Variants in C19orf47 observed in about 807,000 individuals in gnomAD.
C19orf47 encodes the protein uncharacterized protein C19orf47.
A neutral mutation model predicts 32.3 loss-of-function variants in C19orf47; 18 were observed. The observed-to-expected ratio is 0.56, with a 90% CI of 0.39 to 0.83. C19orf47 has a LOEUF of 0.83. Among genes scored for constraint, C19orf47 ranks in the 40% least tolerant of loss-of-function variants. The pLI is 0.00. For missense variants in C19orf47, 484 were observed against 531.6 expected (o/e 0.91, Z 0.88); for synonymous variants, 202 against 211.1 (o/e 0.96, Z 0.37).
At chr19:40,317,682 T>C (rs576755468), downstream of C19orf47, among the ~76,000 whole-genome samples, 9 of 151,254 alleles carry the variant, frequency 6.0e-5, no homozygotes, top group East Asian at 1.7e-3. Context: ...TGCGGACATC[T>C]ACACATGGAC....
At chr19:40,310,264 C>T in the C19orf47 span, among the ~76,000 whole-genome samples, 1 of 151,990 alleles carries the variant, frequency 6.6e-6, no homozygotes, top group Non-Finnish European at 1.5e-5. Flanking sequence ...AGGCCAGCCA[C>T]GGTGGCTCAC....
Position 40,333,738 on chromosome 19 carries a change from G to A in C19orf47, c.301+113C>T, listed in dbSNP as rs111533484. 7,581 of 796,702 alleles carry A rather than the reference G, an allele frequency of 9.5e-3. 55 individuals are homozygous for A. The highest frequency in any genetic ancestry group is 0.048 in the Middle Eastern group (137 of 2,838). The allele number at this position is 796,702 out of a possible 1,614,324, so 49.4% of individuals were successfully genotyped here. A position where few individuals can be genotyped will look rare whatever the true frequency, so the allele number is the denominator to read the frequency against. ...AAAGAAGAGTAAGAATTCCTCCAAT[G>A]GCTTTGTTTCTACCTTTGAAAATTA... On this transcript the variant is annotated intron_variant, in intron 5 of 8. Coordinates refer to ENST00000683109, the MANE Select transcript of C19orf47 (RefSeq NM_001256441.2).
At chr19:40,328,054 T>C (rs2077869587) in intron 6 of C19orf47, among the ~76,000 whole-genome samples, 1 of 152,112 alleles carries the variant, frequency 6.6e-6, no homozygotes, top group Admixed American at 6.5e-5. Flanking sequence ...TCTTAACCTA[T>C]GACCCCAGGC....
At chr19:40,308,660 C>A in the C19orf47 span, among the ~76,000 whole-genome samples, 1 of 150,892 alleles carries the variant, frequency 6.6e-6, no homozygotes, top group Non-Finnish European at 1.5e-5. Context: ...GACAAGTTTT[C>A]GCCATGTTGG....
chr19:40,311,554 T>TA, the C19orf47 span, among the ~76,000 whole-genome samples: 1 of 151,476 alleles, frequency 6.6e-6, no homozygotes, highest in Non-Finnish European at 1.5e-5. Flanking sequence ...AAAATAATAA[T>TA]AATAAATAAA....
the C19orf47 span, among the ~76,000 whole-genome samples, chr19:40,295,769 CAG>C: frequency 1.3e-4 from 19 of 151,770 alleles, no homozygotes; most frequent in Non-Finnish European, 1.3e-4. Flanking sequence ...TTTATTGAGA[CAG>C]GGTCTCGCTC....
chr19:40,344,615 C>T (rs1007393580), intron 1 of C19orf47, among the ~76,000 whole-genome samples: 6 of 152,222 alleles, frequency 3.9e-5, no homozygotes, highest in Non-Finnish European at 7.3e-5. Flanking sequence ...AAGCATCATG[C>T]AGATGCATCC....
At chr19:40,341,285 G>C in intron 2 of C19orf47, among the ~76,000 whole-genome samples, 1 of 151,984 alleles carries the variant, frequency 6.6e-6, no homozygotes, top group Non-Finnish European at 1.5e-5. Context: ...AGTGAGCCGA[G>C]ATCGTGCCAT....
chr19:40,300,443 C>G, the C19orf47 span, among the ~76,000 whole-genome samples: 1 of 151,460 alleles, frequency 6.6e-6, no homozygotes, highest in Non-Finnish European at 1.5e-5. Context: ...CCAGCCTGGG[C>G]GACACAGCTA....
chr19:40,325,439 G>A (rs1274343334), intron 7 of C19orf47, among the ~76,000 whole-genome samples: 1 of 151,748 alleles, frequency 6.6e-6, no homozygotes, highest in Admixed American at 6.6e-5. Context: ...ACCAGCCTGG[G>A]CAACATGGCA....
chr19:40,330,925 G>A (rs1600187442), intron 5 of C19orf47, among the ~76,000 whole-genome samples: 1 of 152,142 alleles, frequency 6.6e-6, no homozygotes, highest in East Asian at 1.9e-4. Context: ...GGCTGGGAGG[G>A]GGCACAGGGG....
the C19orf47 span, among the ~76,000 whole-genome samples, chr19:40,305,583 T>G: frequency 7.9e-5 from 12 of 152,152 alleles, no homozygotes; most frequent in Admixed American, 7.2e-4. Flanking sequence ...CTAGAGCAAT[T>G]TGCGGGACCA....
At chr19:40,330,205 T>C (rs761898106) in intron 5 of C19orf47, among the ~76,000 whole-genome samples, 1 of 152,152 alleles carries the variant, frequency 6.6e-6, no homozygotes, top group Non-Finnish European at 1.5e-5. Flanking sequence ...TTTATTTATT[T>C]ATTTTCATTT....
At position 40,340,401 on chromosome 19, in the gene C19orf47, A is replaced by T. The variant is rs1260120870; in HGVS notation, c.19+1438T>A. On this transcript the variant is annotated intron_variant, in intron 2 of 8. Coordinates refer to ENST00000683109, the MANE Select transcript of C19orf47 (RefSeq NM_001256441.2). ...AAATGGAATTATAAAGAATACAGGC[A>T]GCCAGGCGCGGTGGCTCACGTCTGT... Among the ~76,000 whole-genome samples, 3 of 152,054 alleles carry T rather than the reference A, an allele frequency of 2.0e-5. No individual in the cohort carries two copies. The East Asian group carries it at 5.8e-4, about 29-fold the overall frequency.
intron 1 of C19orf47, among the ~76,000 whole-genome samples, chr19:40,347,680 G>C (rs143509670): frequency 6.6e-6 from 1 of 152,274 alleles, no homozygotes; most frequent in East Asian, 1.9e-4. Context: ...TAAGTGACAG[G>C]ATGTCGATTT....
Position 40,322,052 on chromosome 19 carries a change from C to A in C19orf47, c.988G>T (p.Asp330Tyr). 6.2e-7 allele frequency: 1 copy of A among 1,614,220 alleles called. No individual in the cohort carries two copies. Reference sequence around the variant, plus strand: ...CTCTTGGTGCTGGTGACCTGGCTGTCCTGGGCCTCGGGCACAAGGGCAGCT... The same window carrying A: ...CTCTTGGTGCTGGTGACCTGGCTGTACTGGGCCTCGGGCACAAGGGCAGCT... ...GAAALVPEAQ[D>Y]SQVTSTKSKS... Residue 330 changes from aspartate (D) to tyrosine (Y), a missense_variant, in exon 9 of 9, where the codon GAC becomes TAC. By Grantham distance (160) the Asp-to-Tyr change is radical. Coordinates refer to ENST00000683109, the MANE Select transcript of C19orf47 (RefSeq NM_001256441.2).
the C19orf47 span, among the ~76,000 whole-genome samples, chr19:40,303,809 A>G: frequency 6.7e-6 from 1 of 148,184 alleles, no homozygotes; most frequent in East Asian, 1.9e-4. Context: ...GTCTGAAAAA[A>G]AAAAAAAAAA....
downstream of C19orf47, among the ~76,000 whole-genome samples, chr19:40,318,209 C>A (rs2077676163): frequency 1.3e-5 from 2 of 151,972 alleles, no homozygotes; most frequent in South Asian, 2.1e-4. Flanking sequence ...CATAGTGAGA[C>A]CTCGTCTCCA....
In C19orf47 at chr19:40,320,661, G is replaced by A. The variant is rs1041556268; in HGVS notation, c.*1221C>T. The stretch of plus-strand genomic sequence containing the variant: ...ACCGCTTTACCTACACCCCATCCCT[G>A]GAGAGGCCCTGCTCACTACCTGCTA... On this transcript the variant is annotated 3_prime_UTR_variant, in exon 9 of 9. Coordinates refer to ENST00000683109, the MANE Select transcript of C19orf47 (RefSeq NM_001256441.2). 2 of 154,258 alleles carry A rather than the reference G, an allele frequency of 1.3e-5. No individual in the cohort carries two copies. Among genetic ancestry groups the A allele is most frequent in the African/African-American group, 4.8e-5 (2 of 41,458 alleles). 9.6% of individuals were successfully genotyped at this position (154,258 alleles called of 1,614,324 possible). A position where few individuals can be genotyped will look rare whatever the true frequency, so the allele number is the denominator to read the frequency against.
Sources: gnomAD v4.1 joint callset for allele counts (sites outside exome capture counted in the v4.1 genomes callset) on GRCh38, gnomAD v4.1.1 for gene constraint, MANE v1.5 for transcripts, NCBI Gene and HGNC (gene_info 2026-07-23, HGNC 2026-07-21) for gene names.